Variants in ROBO2 observed in about 807,000 individuals in gnomAD.
ROBO2 encodes the protein roundabout homolog 2.
A neutral mutation model predicts 160.8 loss-of-function variants in ROBO2; 53 were observed. The observed-to-expected ratio is 0.33, with a 90% confidence interval of 0.26 to 0.41. The LOEUF (loss-of-function observed/expected upper bound fraction) is 0.41, where lower values mean the gene tolerates loss of function less well. Among genes scored for constraint, ROBO2 ranks in the 10% least tolerant of loss-of-function variants. The probability of loss-of-function intolerance (pLI) is 1.00; values close to 1 mark genes in which losing one functional copy is unlikely to be tolerated. For synonymous variants in ROBO2, 664 were observed against 611.7 expected (o/e 1.09, Z -1.26); for missense variants, 1,577 against 1,722.4 (o/e 0.92, Z 1.49).
At chr3:76,020,301 G>A (rs1285442123) in intron 2 of ROBO2, among the ~76,000 whole-genome samples, 1 of 151,592 alleles carries the variant, frequency 6.6e-6, no homozygotes, top group Non-Finnish European at 1.5e-5. Flanking sequence ...GTATAATCCT[G>A]GATCTTATTT....
intron 6 of ROBO2, among the ~76,000 whole-genome samples, chr3:77,524,778 G>A (rs2090968139): frequency 6.7e-6 from 1 of 149,812 alleles, no homozygotes; most frequent in African/African-American, 2.5e-5. Flanking sequence ...AGCATTGTTT[G>A]TTTTCAATAG....
chr3:77,086,385 A>G (rs757973086), intron 1 of ROBO2, among the ~76,000 whole-genome samples: 4 of 152,160 alleles, frequency 2.6e-5, no homozygotes, highest in Non-Finnish European at 5.9e-5. Context: ...GATGCAGAGA[A>G]GGTAAGAAAT....
chr3:76,392,107 A>G (rs879593955), intron 2 of ROBO2, among the ~76,000 whole-genome samples: 20 of 152,198 alleles, frequency 1.3e-4, no homozygotes, highest in Non-Finnish European at 2.5e-4. Context: ...TTTACTTAAT[A>G]AGATTTTCTT....
At chr3:76,488,200 G>A (rs1202189726) in intron 2 of ROBO2, among the ~76,000 whole-genome samples, 1 of 152,154 alleles carries the variant, frequency 6.6e-6, no homozygotes. Flanking sequence ...CACAGATTCC[G>A]TGGGTCAGAA....
At position 76,611,207 on chromosome 3, in the gene ROBO2, T is replaced by C. The variant is rs115631412; in HGVS notation, c.110-486807T>C. On this transcript the variant is annotated intron_variant, in intron 2 of 26. Coordinates refer to the ROBO2 transcript ENST00000487694. ...CTCCATCTGGAACTGGCAGATGGGTTTTCAGGCTGTAAACTGTCTTTTGCT... is the reference window on the plus strand; with the variant it reads ...CTCCATCTGGAACTGGCAGATGGGTCTTCAGGCTGTAAACTGTCTTTTGCT... Among the ~76,000 whole-genome samples, 922 of 152,222 alleles carry C rather than the reference T, an allele frequency of 6.1e-3. 9 individuals carry two copies. The highest frequency in any genetic ancestry group is 0.021 in the African/African-American group (888 of 41,540).
chr3:77,071,647 G>A (rs1367153610), intron 1 of ROBO2, among the ~76,000 whole-genome samples: 1 of 152,158 alleles, frequency 6.6e-6, no homozygotes, highest in Non-Finnish European at 1.5e-5. Context: ...TGAGGGGAAG[G>A]CTGGAGTTGG....
At chr3:76,528,863 G>C (rs967470823) in intron 2 of ROBO2, among the ~76,000 whole-genome samples, 1 of 152,082 alleles carries the variant, frequency 6.6e-6, no homozygotes, top group Non-Finnish European at 1.5e-5. Context: ...AGCAGGTAGA[G>C]GCAAAATGCA....
chr3:76,392,523 G>A (rs777912384), intron 2 of ROBO2, among the ~76,000 whole-genome samples: 1 of 152,088 alleles, frequency 6.6e-6, no homozygotes, highest in Non-Finnish European at 1.5e-5. Context: ...AATCATGACT[G>A]AGTAGCTATT....
intron 2 of ROBO2, among the ~76,000 whole-genome samples, chr3:76,251,399 A>T (rs2107554230): frequency 6.6e-6 from 1 of 152,206 alleles, no homozygotes; most frequent in East Asian, 1.9e-4. Flanking sequence ...GGAAGAGGAG[A>T]AAAGAATACA....
intron 2 of ROBO2, among the ~76,000 whole-genome samples, chr3:76,153,366 T>G (rs2072280414): frequency 6.6e-6 from 1 of 152,200 alleles, no homozygotes; most frequent in Non-Finnish European, 1.5e-5. Flanking sequence ...GACTTATGTT[T>G]GACTTCCGTT....
At chr3:77,407,683 G>T (rs560825360) in intron 2 of ROBO2, among the ~76,000 whole-genome samples, 3 of 152,284 alleles carry the variant, frequency 2.0e-5, no homozygotes, top group African/African-American at 7.2e-5. Context: ...CTGCTGGCTT[G>T]TTGCCTCCCA....
At chr3:76,980,055 C>A (rs1438573991) in intron 2 of ROBO2, among the ~76,000 whole-genome samples, 1 of 152,010 alleles carries the variant, frequency 6.6e-6, no homozygotes, top group Non-Finnish European at 1.5e-5. Context: ...CATCTGGTAC[C>A]ATACTGCAGG....
intron 2 of ROBO2, among the ~76,000 whole-genome samples, chr3:76,593,265 T>C (rs2086532241): frequency 6.6e-6 from 1 of 152,060 alleles, no homozygotes; most frequent in Non-Finnish European, 1.5e-5. Context: ...TAATCCCAGC[T>C]TTCTTTCTAG....
chr3:76,798,235 AAG>A (rs1300739372), intron 2 of ROBO2, among the ~76,000 whole-genome samples: 2 of 148,260 alleles, frequency 1.3e-5, no homozygotes, highest in East Asian at 4.0e-4. Flanking sequence ...AAGAGAAAGA[AAG>A]AAAAAAAGAA....
At chr3:76,490,266 TA>T (rs1331921924) in intron 2 of ROBO2, among the ~76,000 whole-genome samples, 1 of 152,192 alleles carries the variant, frequency 6.6e-6, no homozygotes, top group East Asian at 1.9e-4. Context: ...TGTCACAACC[TA>T]AAACACTTCT....
intron 2 of ROBO2, among the ~76,000 whole-genome samples, chr3:76,808,485 C>A (rs1266519437): frequency 6.6e-6 from 1 of 151,644 alleles, no homozygotes; most frequent in Non-Finnish European, 1.5e-5. Context: ...TCTTCATGGA[C>A]CTGACAAAGA....
chr3:77,560,865 C>A (rs1582950771), intron 9 of ROBO2, among the ~76,000 whole-genome samples: 1 of 152,058 alleles, frequency 6.6e-6, no homozygotes, highest in Non-Finnish European at 1.5e-5. Context: ...AATGCAAATT[C>A]TTTTACTCTT....
intron 2 of ROBO2, among the ~76,000 whole-genome samples, chr3:77,249,782 A>C (rs2090139079): frequency 6.6e-6 from 1 of 151,904 alleles, no homozygotes. Flanking sequence ...TCTTACACCA[A>C]TCAAATTTGA....
At chr3:76,909,062 A>G (rs2075799725) in intron 2 of ROBO2, among the ~76,000 whole-genome samples, 1 of 152,090 alleles carries the variant, frequency 6.6e-6, no homozygotes, top group Non-Finnish European at 1.5e-5. Context: ...AAAAATATAT[A>G]CATATTTTTA....
Sources: allele counts gnomAD v4.1 joint callset (sites outside exome capture counted in the v4.1 genomes callset), GRCh38; gene constraint gnomAD v4.1.1; transcripts MANE v1.5; gene names NCBI Gene and HGNC (gene_info 2026-07-23, HGNC 2026-07-21).